The following PITPNC1 variants were observed in gnomAD, a reference collection of about 807,000 sequenced individuals.
The protein encoded by PITPNC1 is cytoplasmic phosphatidylinositol transfer protein 1.
PITPNC1 carries 18 observed loss-of-function variants against 44.7 expected under a neutral mutation model. The ratio of observed to expected loss-of-function variants is 0.40; its 90% CI spans 0.28 to 0.60. The LOEUF (loss-of-function observed/expected upper bound fraction) is 0.60. Among genes scored for constraint, PITPNC1 ranks in the 20% least tolerant of loss-of-function variants. PITPNC1 has a pLI of 0.39. For synonymous variants in PITPNC1, 141 were observed against 149.6 expected, an observed-to-expected ratio of 0.94 and a Z score of 0.42; for missense variants, 290 against 418.4, an observed-to-expected ratio of 0.69 and a Z score of 2.68.
intron 1 of PITPNC1, among the ~76,000 whole-genome samples, chr17:67,419,434 C>A (rs144170044): frequency 6.6e-6 from 1 of 152,104 alleles, no homozygotes; most frequent in Non-Finnish European, 1.5e-5. Flanking sequence ...GATCCTTCTC[C>A]GTCATTGCTT....
At chr17:67,392,388 T>A in intron 1 of PITPNC1, among the ~76,000 whole-genome samples, 1 of 152,280 alleles carries the variant, frequency 6.6e-6, no homozygotes, top group Non-Finnish European at 1.5e-5. Flanking sequence ...TATTCTTTTA[T>A]AGTCACACTG....
chr17:67,641,592 T>C (rs901277986), intron 6 of PITPNC1, among the ~76,000 whole-genome samples: 1 of 151,988 alleles, frequency 6.6e-6, no homozygotes, highest in Non-Finnish European at 1.5e-5. Flanking sequence ...AGGTCAGAAG[T>C]TCCAGACCCA....
At chr17:67,608,247 C>CA (rs775389038) in intron 5 of PITPNC1, among the ~76,000 whole-genome samples, 2,906 of 113,776 alleles carry the variant, frequency 0.026, 36 homozygotes, top group Middle Eastern at 0.11. Flanking sequence ...AAAAAAAAAA[C>CA]AAAAAAAAAC....
At chr17:67,640,033 C>A (rs893128995) in intron 6 of PITPNC1, among the ~76,000 whole-genome samples, 4 of 152,072 alleles carry the variant, frequency 2.6e-5, no homozygotes, top group African/African-American at 4.8e-5. Context: ...ACAGCTGCCT[C>A]ATGCCGGGGT....
chr17:67,634,606 C>A (rs1406648307), intron 6 of PITPNC1, among the ~76,000 whole-genome samples: 1 of 152,076 alleles, frequency 6.6e-6, no homozygotes, highest in African/African-American at 2.4e-5. Flanking sequence ...CTAACAAATA[C>A]CACGCAGAGA....
intron 1 of PITPNC1, chr17:67,471,564 A>C (rs952112959): frequency 2.6e-6 from 1 of 384,190 alleles, no homozygotes; most frequent in Non-Finnish European, 5.0e-6. Flanking sequence ...TTACTTTTGC[A>C]CCAACCTAAA....
At position 67,631,411 on chromosome 17, in the gene PITPNC1, C is replaced by T. The variant is rs866628388; in HGVS notation, c.367-732C>T. ...TTGGGAGGCTGAGGCGGGCGGATCA[C>T]GAGGTCAGGAGATCGAGACCATCCT... is the stretch of plus-strand genomic sequence containing the variant. On this transcript the variant is annotated intron_variant, in intron 5 of 8. Coordinates refer to ENST00000581322, the MANE Select transcript of PITPNC1 (RefSeq NM_012417.4). 4.1e-5 allele frequency among the ~76,000 whole-genome samples: 6 copies of T among 146,002 alleles called. No individual in the cohort carries two copies. In the Middle Eastern group the frequency reaches 0.014, roughly 345 times the overall value.
At chr17:67,512,871 G>A (rs900351908) in intron 1 of PITPNC1, among the ~76,000 whole-genome samples, 8 of 151,852 alleles carry the variant, frequency 5.3e-5, no homozygotes, top group Non-Finnish European at 8.8e-5. Context: ...AGATAAGCTC[G>A]ATCACTCATT....
At chr17:67,565,911 T>G (rs1309454593) in intron 4 of PITPNC1, among the ~76,000 whole-genome samples, 1 of 152,190 alleles carries the variant, frequency 6.6e-6, no homozygotes, top group African/African-American at 2.4e-5. Flanking sequence ...TCAGTGTGTA[T>G]ACTCGTTTTC....
intron 1 of PITPNC1, among the ~76,000 whole-genome samples, chr17:67,497,728 A>G (rs1685435531): frequency 6.6e-6 from 1 of 151,382 alleles, no homozygotes. Flanking sequence ...TGGTTTCGCT[A>G]TGTTTTCCAG....
At chr17:67,452,366 T>A (rs1482795237) in intron 1 of PITPNC1, among the ~76,000 whole-genome samples, 1 of 151,850 alleles carries the variant, frequency 6.6e-6, no homozygotes, top group Non-Finnish European at 1.5e-5. Context: ...ATGTACCACA[T>A]TTTGTTTATT....
chr17:67,632,096 T>C, intron 5 of PITPNC1, 47 bp from the exon 6 acceptor site: 1 of 1,206,428 alleles, frequency 8.3e-7, no homozygotes, highest in Non-Finnish European at 1.2e-6. Context: ...CTTTGGAGGG[T>C]AACACCTGCT....
At chr17:67,425,540 G>A (rs1484859116) in intron 1 of PITPNC1, among the ~76,000 whole-genome samples, 1 of 104,936 alleles carries the variant, frequency 9.5e-6, no homozygotes, top group Admixed American at 1.3e-4. Flanking sequence ...TTTTTTTTTA[G>A]AGACAGGGTC....
chr17:67,554,227 C>G (rs2040804364), intron 4 of PITPNC1, among the ~76,000 whole-genome samples: 1 of 150,620 alleles, frequency 6.6e-6, no homozygotes, highest in Admixed American at 6.6e-5. Context: ...ACAGGTCAAC[C>G]TATCACAACA....
chr17:67,678,633 C>G (rs1255833325), intron 8 of PITPNC1, among the ~76,000 whole-genome samples: 3 of 152,250 alleles, frequency 2.0e-5, no homozygotes, highest in Non-Finnish European at 4.4e-5. Context: ...CTTCATCACA[C>G]AGATGCAGAC....
intron 5 of PITPNC1, among the ~76,000 whole-genome samples, chr17:67,579,887 C>T (rs554062795): frequency 5.5e-4 from 83 of 151,162 alleles, no homozygotes; most frequent in African/African-American, 1.7e-3. Flanking sequence ...TTGCAGTGAG[C>T]GCAGATCGCG....
chr17:67,605,572 T>G (rs2041598001), intron 5 of PITPNC1, among the ~76,000 whole-genome samples: 1 of 152,234 alleles, frequency 6.6e-6, no homozygotes, highest in African/African-American at 2.4e-5. Flanking sequence ...GGCTCGTGTT[T>G]TTCTGTCAAC....
At chr17:67,467,964 G>A (rs945046530) in intron 1 of PITPNC1, among the ~76,000 whole-genome samples, 5 of 152,172 alleles carry the variant, frequency 3.3e-5, no homozygotes, top group African/African-American at 9.7e-5. Flanking sequence ...CCAGCCTCTC[G>A]GCTTGGTGCT....
chr17:67,623,416 G>A (rs540707590), intron 5 of PITPNC1, among the ~76,000 whole-genome samples: 136 of 152,160 alleles, frequency 8.9e-4, no homozygotes, highest in African/African-American at 2.4e-3. Context: ...GTCTTGCTGT[G>A]TTGCCCTGGC....
Sources: gnomAD v4.1 joint callset for allele counts (sites outside exome capture counted in the v4.1 genomes callset) on GRCh38, gnomAD v4.1.1 for gene constraint, MANE v1.5 for transcripts, NCBI Gene and HGNC (gene_info 2026-07-23, HGNC 2026-07-21) for gene names.